SAFB2: variants seen among roughly 807,000 people sequenced by gnomAD.
SAFB2 encodes the protein scaffold attachment factor B2.
Under a neutral mutation model 100.6 loss-of-function variants are expected in SAFB2, and 32 were observed. The ratio of observed to expected loss-of-function variants is 0.32; its 90% CI spans 0.24 to 0.43. The LOEUF (loss-of-function observed/expected upper bound fraction) is 0.43. Ranked by LOEUF, SAFB2 falls within the 20% of genes least tolerant of loss-of-function variation. SAFB2 has a pLI of 1.00. For missense variants in SAFB2, 1,185 were observed against 1,163.4 expected, an observed-to-expected ratio of 1.02 and a Z score of -0.27; for synonymous variants, 500 against 439.4, an observed-to-expected ratio of 1.14 and a Z score of -1.72.
chr19:5,589,373 G>A (rs758743458), intron 18 of SAFB2, among the ~76,000 whole-genome samples: 5 of 152,244 alleles, frequency 3.3e-5, no homozygotes, highest in African/African-American at 9.6e-5. Flanking sequence ...TGGGACACTC[G>A]GCACAGCACC....
intron 13 of SAFB2, among the ~76,000 whole-genome samples, chr19:5,596,007 G>A (rs2052529367): frequency 6.6e-6 from 1 of 152,236 alleles, no homozygotes; most frequent in South Asian, 2.1e-4. Context: ...GCTCACACCT[G>A]TAATCCCAGC....
Position 5,594,024 on chromosome 19 carries a change from T to C in SAFB2, c.2074A>G (p.Met692Val), listed in dbSNP as rs761999262. ...MERERLERER[M>V]RVERERRKEQ... Reference sequence around the variant, plus strand: ...TTCCTGCGCTCACGCTCCACGCGCATGCGCTCGCGCTCCAGCCGCTCCCGC... The same window carrying C: ...TTCCTGCGCTCACGCTCCACGCGCACGCGCTCGCGCTCCAGCCGCTCCCGC... The change falls in exon 15 of 21, where the codon ATG (methionine) becomes GTG (valine). Residue 692 changes from methionine (M) to valine (V), a missense_variant. Met to Val is a conservative substitution (Grantham distance 21, BLOSUM62 1). Transcript: ENST00000252542. The C allele has an allele frequency of 2.6e-6, 4 of 1,567,942 alleles. No individual in the cohort carries two copies. The East Asian group carries it at 7.0e-5, about 27-fold the overall frequency.
In SAFB2 at chr19:5,612,416, T is replaced by C. The variant is rs147705212; in HGVS notation, c.634+124A>G. On this transcript the variant is annotated intron_variant, in intron 6 of 20. Coordinates refer to ENST00000252542, the MANE Select transcript of SAFB2 (RefSeq NM_014649.3). ...GGGTTTCCAATCTCTGATCCTTGTA[T>C]GATCTGGATTGTCCACCATTAGAGC... 3,021 of 865,460 alleles carry C rather than the reference T, an allele frequency of 3.5e-3. 17 individuals carry two copies. The highest frequency in any genetic ancestry group is 3.7e-3 in the Non-Finnish European group (1,935 of 521,100). 53.6% of individuals were successfully genotyped at this position (865,460 alleles called of 1,614,324 possible). A position where few individuals can be genotyped will look rare whatever the true frequency, so the allele number is the denominator to read the frequency against.
intron 6 of SAFB2, 64 bp downstream of exon 6, chr19:5,612,476 A>C: frequency 7.2e-7 from 1 of 1,397,372 alleles, no homozygotes; most frequent in Non-Finnish European, 1.0e-6. Context: ...TAAAATATAG[A>C]CAGCTTTAAA....
chr19:5,621,222 C>T, intron 2 of SAFB2, 87 bp downstream of exon 2: 3 of 882,928 alleles, frequency 3.4e-6, no homozygotes, highest in Non-Finnish European at 5.7e-6. Context: ...AGAAATTCTC[C>T]CAGCCTAGAA....
intron 17 of SAFB2, among the ~76,000 whole-genome samples, chr19:5,590,916 A>G (rs4807793): frequency 0.38 from 57,282 of 151,966 alleles, 10,982 homozygotes; most frequent in African/African-American, 0.43. Flanking sequence ...CCTCTCCACC[A>G]GGCTGCTGCT....
At position 5,587,309 on chromosome 19, in the gene SAFB2, C is replaced by T. The variant is rs767465759; in HGVS notation, c.2796G>A (p.Arg932=). 3 of 1,612,538 alleles carry T rather than the reference C, an allele frequency of 1.9e-6. No individual in the cohort carries two copies. The highest frequency in any genetic ancestry group is 1.3e-5 in the African/African-American group (1 of 74,982). ...GGTGTGGGTGAGGGACTCTGCTGCC[C>T]CGGTCCTGGCTGGCCACTCCGCCAC... is the stretch of plus-strand genomic sequence containing the variant. The part of the protein sequence containing the change: ...LEGGGVASQD[R]GSRVPHPHPH... The change falls in exon 21 of 21, where the codon CGG becomes CGA. Residue 932 remains arginine (R), a synonymous_variant. Transcript: ENST00000252542. This position sits in a 1 kb window ranked among gnomAD's most constrained non-coding sequence, Gnocchi z 4.9.
In SAFB2 at chr19:5,587,864, G is replaced by A. The variant is rs772851403; in HGVS notation, c.2638+4C>T. On this transcript the variant is annotated splice_donor_region_variant and intron_variant, in intron 19 of 20. Transcript: ENST00000252542. The surrounding 1 kb of genome is among the most constrained non-coding windows in gnomAD (Gnocchi z 4.9). ...CACCCTCGTCCCTGGAGCCAGCCCCGTACCTTGCCACCTGGCGTGCTCCCG... is the reference window on the plus strand; with the variant it reads ...CACCCTCGTCCCTGGAGCCAGCCCCATACCTTGCCACCTGGCGTGCTCCCG... 21 of 1,608,542 alleles carry A rather than the reference G, an allele frequency of 1.3e-5. No individual in the cohort carries two copies. Among genetic ancestry groups the A allele is most frequent in the African/African-American group, 8.0e-5 (6 of 74,836 alleles).
At chr19:5,599,991 CTT>C (rs747263565) in intron 12 of SAFB2, 137 bp downstream of exon 12, 19 of 872,148 alleles carry the variant, frequency 2.2e-5, no homozygotes, top group South Asian at 3.5e-5. Flanking sequence ...TCAACAGACT[CTT>C]GTTTCTTTAA....
rs1048702324 is a variant in SAFB2, at chr19:5,587,828, G to C, written c.2638+40C>G. ...CTGGGGAAGCCCCTGGACACATGTG[G>C]GGGCCACAGCCACCCTCGTCCCTGG... On this transcript the variant is annotated intron_variant, in intron 19 of 20. Transcript: ENST00000252542. The surrounding 1 kb of genome is among the most constrained non-coding windows in gnomAD (Gnocchi z 4.9). 6.3e-7 allele frequency: 1 copy of C among 1,580,358 alleles called. No individual in the cohort carries two copies. The highest frequency in any genetic ancestry group is 1.4e-5 in the African/African-American group (1 of 74,070).
chr19:5,600,219 T>C lies in SAFB2; in HGVS notation c.1601A>G (p.Glu534Gly), dbSNP rs775756383. ...KKEEKIEKKE[E>G]KKPEDIKKEE... ...CTTCTTAATGTCTTCAGGCTTTTTT[T>C]CCTCCTTCTTCTCAATCTTCTCTTC... Residue 534 changes from glutamate to glycine, a missense_variant, in exon 12 of 21, where the codon GAA (glutamate) becomes GGA (glycine). This residue lies in a region of SAFB2 where 740 missense variants were observed against 687.1 expected (regional missense o/e 1.08). Coordinates refer to ENST00000252542, the MANE Select transcript of SAFB2 (RefSeq NM_014649.3). 23 of 1,613,334 alleles carry C rather than the reference T, an allele frequency of 1.4e-5. No homozygotes were observed. Among genetic ancestry groups the C allele is most frequent in the South Asian group, 1.2e-4 (11 of 91,044 alleles).
chr19:5,616,372 G>T (rs1420358862), intron 3 of SAFB2, 37 bp from the exon 4 acceptor site: 1 of 1,613,808 alleles, frequency 6.2e-7, no homozygotes, highest in South Asian at 1.1e-5. Context: ...CGACCACCTG[G>T]ACCAGGACAG....
At chr19:5,618,784 C>A (rs1042259428) in intron 2 of SAFB2, among the ~76,000 whole-genome samples, 2 of 152,238 alleles carry the variant, frequency 1.3e-5, no homozygotes, top group African/African-American at 4.8e-5. Flanking sequence ...ACAGGCGACG[C>A]CCCAATCCCC....
chr19:5,612,240 T>A (rs1167290411), intron 6 of SAFB2: 7 of 462,574 alleles, frequency 1.5e-5, no homozygotes, highest in Non-Finnish European at 2.3e-5. Flanking sequence ...ATCTGTTTCA[T>A]GTGTAGAAAC....
Position 5,587,625 on chromosome 19 carries a change from G to A in SAFB2, c.2705+76C>T. On this transcript the variant is annotated intron_variant, in intron 20 of 20. Transcript: ENST00000252542. This position sits in a 1 kb window ranked among gnomAD's most constrained non-coding sequence, Gnocchi z 4.9. ...TTCATAACATCCAACCCAGCCAGCT[G>A]ATCAAACATGCAAAAAAGGGAGAGG... 6.8e-7 allele frequency: 1 copy of A among 1,479,140 alleles called. No homozygotes were observed. Among genetic ancestry groups the A allele is most frequent in the South Asian group, 1.3e-5 (1 of 75,862 alleles). The allele number at this position is 1,479,140 out of a possible 1,614,324, so 91.6% of individuals were successfully genotyped here.
At chr19:5,604,558 G>A (rs372419139) in intron 11 of SAFB2, 25 bp downstream of exon 11, 2 of 1,586,054 alleles carry the variant, frequency 1.3e-6, no homozygotes, top group African/African-American at 1.3e-5. Context: ...GGGATTCCAA[G>A]AGGAGGTTTG....
chr19:5,598,441 A>G (rs2052578732), intron 13 of SAFB2: 1 of 279,988 alleles, frequency 3.6e-6, no homozygotes, highest in Non-Finnish European at 7.0e-6. Context: ...CCAATGGAAG[A>G]AAGTAGCCTG....
chr19:5,618,527 C>A (rs1261413303), intron 2 of SAFB2, among the ~76,000 whole-genome samples: 1 of 152,226 alleles, frequency 6.6e-6, no homozygotes, highest in African/African-American at 2.4e-5. Context: ...ACAACGCTAG[C>A]AGGTTTTATT....
At chr19:5,612,110 C>A in intron 6 of SAFB2, 1 of 315,342 alleles carries the variant, frequency 3.2e-6, no homozygotes, top group Non-Finnish European at 6.0e-6. Flanking sequence ...AAAATTTTCA[C>A]GGAGAAACTC....
Sources: allele counts gnomAD v4.1 joint callset (sites outside exome capture counted in the v4.1 genomes callset), GRCh38; gene constraint gnomAD v4.1.1; regional missense constraint gnomAD v4.1.1; non-coding constraint Gnocchi (gnomAD v3.1); transcripts MANE v1.5; gene names NCBI Gene and HGNC (gene_info 2026-07-23, HGNC 2026-07-21).